The following ARK2C variants were observed in gnomAD, a reference collection of about 807,000 sequenced individuals.
The protein encoded by ARK2C is arkadia (RNF111) C-terminal like ring finger ubiquitin ligase 2C.
At chr18:46,418,919 G>A in the ARK2C span, among the ~76,000 whole-genome samples, 1 of 152,330 alleles carries the variant, frequency 6.6e-6, no homozygotes, top group Non-Finnish European at 1.5e-5. Flanking sequence ...ATCCACACTA[G>A]GAAACAATAG....
chr18:46,348,915 T>C, the ARK2C span, among the ~76,000 whole-genome samples: 10,183 of 148,500 alleles, frequency 0.069, 450 homozygotes, highest in Non-Finnish European at 0.098. Flanking sequence ...TGTGTGTGTG[T>C]GTGTGTGTGT....
the ARK2C span, among the ~76,000 whole-genome samples, chr18:46,392,021 A>G: frequency 6.6e-6 from 1 of 151,338 alleles, no homozygotes; most frequent in African/African-American, 2.4e-5. Flanking sequence ...CAACACACAC[A>G]CCTTACACAC....
the ARK2C span, among the ~76,000 whole-genome samples, chr18:46,400,729 T>C: frequency 6.6e-6 from 1 of 152,182 alleles, no homozygotes; most frequent in African/African-American, 2.4e-5. Flanking sequence ...GTTGTCTCCC[T>C]AGGTCTGAAT....
At chr18:46,421,365 ATCATTCAT>A in the ARK2C span, among the ~76,000 whole-genome samples, 1,504 of 151,692 alleles carry the variant, frequency 9.9e-3, 18 homozygotes, top group African/African-American at 0.034. Context: ...CCTGTTCGTG[ATCATTCAT>A]TCATTCATTC....
chr18:46,363,631 A>G, the ARK2C span, among the ~76,000 whole-genome samples: 1 of 152,182 alleles, frequency 6.6e-6, no homozygotes, highest in Non-Finnish European at 1.5e-5. Flanking sequence ...GGGGACATGG[A>G]GGAGAGCAGC....
At chr18:46,431,939 T>C in the ARK2C span, among the ~76,000 whole-genome samples, 1 of 152,250 alleles carries the variant, frequency 6.6e-6, no homozygotes, top group Non-Finnish European at 1.5e-5. Flanking sequence ...TCAACTCTGC[T>C]AATTCCTCCA....
At chr18:46,392,587 G>T in the ARK2C span, among the ~76,000 whole-genome samples, 1 of 152,210 alleles carries the variant, frequency 6.6e-6, no homozygotes, top group Non-Finnish European at 1.5e-5. Context: ...GAGGCTCTGG[G>T]GAGCCCTTGT....
At chr18:46,345,194 G>A in the ARK2C span, among the ~76,000 whole-genome samples, 6 of 151,974 alleles carry the variant, frequency 3.9e-5, no homozygotes, top group Admixed American at 3.9e-4. Flanking sequence ...GGAAGTTTGC[G>A]CCCGCTGGAA....
chr18:46,449,017 C>G, the ARK2C span, among the ~76,000 whole-genome samples: 4 of 152,164 alleles, frequency 2.6e-5, no homozygotes, highest in African/African-American at 9.7e-5. Context: ...AGCACCATCT[C>G]TTAGGAATAA....
the ARK2C span, among the ~76,000 whole-genome samples, chr18:46,395,226 G>A: frequency 6.6e-6 from 1 of 152,336 alleles, no homozygotes; most frequent in South Asian, 2.1e-4. Flanking sequence ...GAAGAGTGCA[G>A]GGGTCCTTGA....
At chr18:46,380,049 C>A in the ARK2C span, among the ~76,000 whole-genome samples, 5 of 152,238 alleles carry the variant, frequency 3.3e-5, no homozygotes, top group Non-Finnish European at 7.3e-5. Flanking sequence ...CAAAGTTTCC[C>A]CATCCATGAG....
chr18:46,374,161 C>A, the ARK2C span, among the ~76,000 whole-genome samples: 1 of 152,156 alleles, frequency 6.6e-6, no homozygotes, highest in South Asian at 2.1e-4. Context: ...GCAGCTTGAA[C>A]GAGTCCGAGA....
the ARK2C span, among the ~76,000 whole-genome samples, chr18:46,411,840 G>A: frequency 4.6e-5 from 7 of 152,350 alleles, no homozygotes; most frequent in African/African-American, 1.7e-4. Context: ...GCTGAGCCGT[G>A]TATGTGTGAT....
At chr18:46,416,239 C>T in the ARK2C span, among the ~76,000 whole-genome samples, 1 of 152,166 alleles carries the variant, frequency 6.6e-6, no homozygotes, top group African/African-American at 2.4e-5. Context: ...CAACTATAAA[C>T]TCTTGAGACA....
chr18:46,399,527 C>G, the ARK2C span, among the ~76,000 whole-genome samples: 1 of 152,152 alleles, frequency 6.6e-6, no homozygotes, highest in African/African-American at 2.4e-5. Flanking sequence ...TAGTGGAGAA[C>G]AGAGTCAGGG....
the ARK2C span, among the ~76,000 whole-genome samples, chr18:46,390,949 C>T: frequency 6.6e-6 from 1 of 152,166 alleles, no homozygotes; most frequent in Non-Finnish European, 1.5e-5. Flanking sequence ...TGACCTGCAC[C>T]TCTACCATCT....
At chr18:46,360,405 C>CA in the ARK2C span, among the ~76,000 whole-genome samples, 1 of 152,214 alleles carries the variant, frequency 6.6e-6, no homozygotes, top group Non-Finnish European at 1.5e-5. Context: ...GCTGGACAAG[C>CA]AGTTTTACTG....
the ARK2C span, among the ~76,000 whole-genome samples, chr18:46,442,173 A>AG: frequency 2.6e-5 from 4 of 151,508 alleles, no homozygotes; most frequent in South Asian, 4.2e-4. Context: ...AAAAAAAAAA[A>AG]AAAGAAAAAG....
At chr18:46,389,035 G>T in the ARK2C span, among the ~76,000 whole-genome samples, 3 of 152,164 alleles carry the variant, frequency 2.0e-5, no homozygotes, top group Non-Finnish European at 4.4e-5. Flanking sequence ...TCCTATCTTG[G>T]CTCAAGGTCC....
Sources: allele counts gnomAD v4.1 joint callset (sites outside exome capture counted in the v4.1 genomes callset), GRCh38; gene constraint gnomAD v4.1.1; transcripts MANE v1.5; gene names NCBI Gene and HGNC (gene_info 2026-07-23, HGNC 2026-07-21).